The following HSD17B2 variants were observed in gnomAD, a reference collection of about 807,000 sequenced individuals.
The protein encoded by HSD17B2 is hydroxysteroid 17-beta dehydrogenase 2, also known as 17-beta-hydroxysteroid dehydrogenase type 2.
HSD17B2 carries 32 observed loss-of-function variants against 26.9 expected under a neutral mutation model. The observed-to-expected ratio is 1.19, with a 90% confidence interval of 0.90 to 1.60. The LOEUF is 1.60. Ranked by LOEUF, HSD17B2 falls within the 40% of genes most tolerant of loss-of-function variation. HSD17B2 has a pLI of 0.00. For synonymous variants in HSD17B2, 246 were observed against 186.7 expected (o/e 1.32, Z -2.59); for missense variants, 613 against 468.6 (o/e 1.31, Z -2.85).
chr16:82,058,249 T>A (rs1388101849), intron 1 of HSD17B2, among the ~76,000 whole-genome samples: 1 of 151,990 alleles, frequency 6.6e-6, no homozygotes, highest in Non-Finnish European at 1.5e-5. Flanking sequence ...TTTTAAATTA[T>A]TTGTAGAGGC....
At chr16:82,038,334 G>A (rs1001267716) in intron 1 of HSD17B2, among the ~76,000 whole-genome samples, 1 of 152,128 alleles carries the variant, frequency 6.6e-6, no homozygotes, top group Non-Finnish European at 1.5e-5. Flanking sequence ...TATGTGTGAT[G>A]CATTTTATTT....
At position 82,098,107 on chromosome 16, in the gene HSD17B2, C is replaced by T; in HGVS notation, c.835C>T (p.Leu279=). Residue 279 remains leucine, a synonymous_variant, in exon 5 of 5, where the codon CTG becomes TTG. Coordinates refer to ENST00000199936, the MANE Select transcript of HSD17B2 (RefSeq NM_002153.3). ...IAGTSDKWEK[L]EKDILDHLPA... is the part of the protein sequence containing the mutation. ...AGGCACCAGTGACAAGTGGGAAAAG[C>T]TGGAGAAGGACATTCTGGACCACCT... 6.2e-7 allele frequency: 1 copy of T among 1,613,586 alleles called. No individual in the cohort carries two copies. Among genetic ancestry groups the T allele is most frequent in the Non-Finnish European group, 8.5e-7 (1 of 1,179,716 alleles).
intron 4 of HSD17B2, chr16:82,092,583 G>A (rs1904726684): frequency 6.6e-6 from 1 of 152,316 alleles, no homozygotes; most frequent in South Asian, 2.1e-4. Flanking sequence ...AGGTTGCAGA[G>A]GGGGTGCAAG....
Position 82,057,483 on chromosome 16 carries a change from C to T in HSD17B2, c.266-10687C>T, listed in dbSNP as rs138990267. 9.1e-3 allele frequency among the ~76,000 whole-genome samples: 1,384 copies of T among 152,312 alleles called. 14 individuals are homozygous for T. The highest frequency in any genetic ancestry group is 0.032 in the African/African-American group (1,322 of 41,558). On this transcript the variant is annotated intron_variant, in intron 1 of 4. Transcript: ENST00000199936. ...AAGTGCTGGGATTACAGGCGTGAGC[C>T]ACCGCGCCCAGCCTAACTCCCCAGT...
chr16:82,060,378 G>T (rs747482694), intron 1 of HSD17B2, among the ~76,000 whole-genome samples: 1 of 152,178 alleles, frequency 6.6e-6, no homozygotes, highest in Non-Finnish European at 1.5e-5. Flanking sequence ...ATGTGTGTGT[G>T]TGTGAGAGCT....
In HSD17B2 at chr16:82,096,020, A is replaced by G. The variant is rs116750368; in HGVS notation, c.803-2055A>G. On this transcript the variant is annotated intron_variant, in intron 4 of 4. Transcript: ENST00000199936. ...TATATAATGAGGAGGCAGAGCTGCT[A>G]CATTTTAAAGTAAATAAATTATTTA... 5.8e-3 allele frequency: 886 copies of G among 152,332 alleles called. 9 individuals carry two copies. The highest frequency in any genetic ancestry group is 0.021 in the African/African-American group (858 of 41,574). 9.4% of individuals were successfully genotyped at this position (152,332 alleles called of 1,614,324 possible).
At chr16:82,082,669 T>C (rs1904415418) in intron 3 of HSD17B2, among the ~76,000 whole-genome samples, 1 of 152,200 alleles carries the variant, frequency 6.6e-6, no homozygotes, top group Non-Finnish European at 1.5e-5. Context: ...TACTAGAATC[T>C]ACCTCCTATG....
At position 82,073,074 on chromosome 16, in the gene HSD17B2, C is replaced by T. The variant is rs367849358; in HGVS notation, c.664+1947C>T. ...AGACGCTCTCTCAAAAAATAACTCA[C>T]AATACAGAGCATAACCTTCCACATA... On this transcript the variant is annotated intron_variant, in intron 3 of 4. Coordinates refer to ENST00000199936, the MANE Select transcript of HSD17B2 (RefSeq NM_002153.3). 3.3e-5 allele frequency among the ~76,000 whole-genome samples: 5 copies of T among 152,058 alleles called. No homozygotes were observed. In the East Asian group the frequency reaches 5.8e-4, roughly 18 times the overall value.
At chr16:82,048,667 A>T (rs8191084) in intron 1 of HSD17B2, among the ~76,000 whole-genome samples, 1 of 152,234 alleles carries the variant, frequency 6.6e-6, no homozygotes, top group Non-Finnish European at 1.5e-5. Flanking sequence ...TGCTTAAGAG[A>T]TAAAGAAAAA....
chr16:82,042,634 T>A (rs768161118), intron 1 of HSD17B2, among the ~76,000 whole-genome samples: 15 of 152,188 alleles, frequency 9.9e-5, no homozygotes, highest in Non-Finnish European at 2.1e-4. Flanking sequence ...TATTTATTAT[T>A]TTTTGAGAAG....
intron 1 of HSD17B2, 126 bp downstream of exon 1, chr16:82,035,815 C>A: frequency 9.8e-7 from 1 of 1,021,046 alleles, no homozygotes; most frequent in Non-Finnish European, 1.4e-6. Context: ...AGCCCTCACC[C>A]AAGTATTTTT....
intron 1 of HSD17B2, among the ~76,000 whole-genome samples, chr16:82,038,089 T>C (rs575388875): frequency 8.6e-4 from 131 of 152,326 alleles, no homozygotes; most frequent in Admixed American, 2.2e-3. Flanking sequence ...AAGCTCCTTT[T>C]AGTTTGTATT....
chr16:82,038,451 G>C (rs759827845), intron 1 of HSD17B2, among the ~76,000 whole-genome samples: 25 of 152,224 alleles, frequency 1.6e-4, no homozygotes, highest in Non-Finnish European at 3.1e-4. Flanking sequence ...CCGGGTTCAA[G>C]TGATTCTCCT....
At chr16:82,063,309 T>C (rs1037387374) in intron 1 of HSD17B2, 2 of 152,216 alleles carry the variant, frequency 1.3e-5, no homozygotes, top group African/African-American at 4.8e-5. Context: ...ATGTAGTAAT[T>C]GTTTGGAATA....
intron 1 of HSD17B2, among the ~76,000 whole-genome samples, chr16:82,036,179 G>C (rs1913619015): frequency 6.6e-6 from 1 of 152,112 alleles, no homozygotes; most frequent in African/African-American, 2.4e-5. Flanking sequence ...AGACTTTGCA[G>C]TTTGCTTGGC....
chr16:82,062,405 C>T (rs75930182), intron 1 of HSD17B2, among the ~76,000 whole-genome samples: 3,487 of 152,306 alleles, frequency 0.023, 122 homozygotes, highest in African/African-American at 0.078. Context: ...AAAGGACCCT[C>T]TCTCAGTTTG....
At chr16:82,080,872 A>T (rs1483920373) in intron 3 of HSD17B2, among the ~76,000 whole-genome samples, 2 of 152,200 alleles carry the variant, frequency 1.3e-5, no homozygotes, top group Non-Finnish European at 2.9e-5. Flanking sequence ...AGATTTTACT[A>T]GAGATTCCAT....
At chr16:82,052,809 G>T (rs1227179640) in intron 1 of HSD17B2, among the ~76,000 whole-genome samples, 1 of 152,206 alleles carries the variant, frequency 6.6e-6, no homozygotes, top group Non-Finnish European at 1.5e-5. Flanking sequence ...CTGTAAAAAA[G>T]CATAACAGAC....
rs531076433 is a variant in HSD17B2 at position 82,077,844 on chromosome 16, C to T, written c.664+6717C>T. Among the ~76,000 whole-genome samples the T allele has an allele frequency of 9.9e-5, 15 of 152,066 alleles. No homozygotes were observed. In the South Asian group the frequency reaches 2.7e-3, roughly 27 times the overall value. ...GAAAAAACAAACTGGATACCATATG[C>T]AGAAGGATGAAACTAGATCCCTGTC... On this transcript the variant is annotated intron_variant, in intron 3 of 4. Transcript: ENST00000199936.
Sources: gnomAD v4.1 joint callset for allele counts (sites outside exome capture counted in the v4.1 genomes callset) on GRCh38, gnomAD v4.1.1 for gene constraint, MANE v1.5 for transcripts, NCBI Gene and HGNC (gene_info 2026-07-23, HGNC 2026-07-21) for gene names.